The following DNAJB6 variants were observed in gnomAD, a reference collection of about 807,000 sequenced individuals.
The protein encoded by DNAJB6 is DnaJ heat shock protein family (Hsp40) member B6.
DNAJB6 carries 16 observed loss-of-function variants against 42.7 expected under a neutral mutation model. The ratio of observed to expected loss-of-function variants is 0.37; its 90% CI spans 0.25 to 0.57. DNAJB6 has a LOEUF of 0.57. Ranked by LOEUF, DNAJB6 falls within the 20% of genes least tolerant of loss-of-function variation. The pLI is 0.74. For synonymous variants in DNAJB6, 170 were observed against 163.5 expected, an observed-to-expected ratio of 1.04 and a Z score of -0.30; for missense variants, 347 against 416.8, an observed-to-expected ratio of 0.83 and a Z score of 1.46.
intron 2 of DNAJB6, among the ~76,000 whole-genome samples, chr7:157,360,542 G>A (rs1799531263): frequency 6.6e-6 from 1 of 152,214 alleles, no homozygotes; most frequent in African/African-American, 2.4e-5. Flanking sequence ...TTGTTTCTGA[G>A]AACATACAGG....
intron 5 of DNAJB6, among the ~76,000 whole-genome samples, chr7:157,370,055 A>AT (rs1259542007): frequency 7.3e-6 from 1 of 136,174 alleles, no homozygotes; most frequent in Non-Finnish European, 1.6e-5. Flanking sequence ...CAGGTCTTTC[A>AT]TAACGTTATT....
chr7:157,407,081 CG>C (rs1795798315), intron 8 of DNAJB6, among the ~76,000 whole-genome samples: 2 of 152,184 alleles, frequency 1.3e-5, no homozygotes, highest in South Asian at 4.1e-4. Context: ...AGCAGGGGTG[CG>C]GGGAACAGCT....
intron 5 of DNAJB6, among the ~76,000 whole-genome samples, chr7:157,373,684 G>A (rs1478391610): frequency 1.3e-5 from 2 of 152,186 alleles, no homozygotes; most frequent in Non-Finnish European, 2.9e-5. Flanking sequence ...CTAGAAGTTA[G>A]GGGTCAAGTA....
At chr7:157,391,662 T>C (rs947097615) in intron 8 of DNAJB6, among the ~76,000 whole-genome samples, 2 of 152,250 alleles carry the variant, frequency 1.3e-5, no homozygotes, top group Non-Finnish European at 2.9e-5. Flanking sequence ...TCAGCCCAAG[T>C]CTTCCGTGGA....
At chr7:157,400,912 C>T (rs1244396317) in intron 8 of DNAJB6, among the ~76,000 whole-genome samples, 2 of 152,204 alleles carry the variant, frequency 1.3e-5, no homozygotes, top group Non-Finnish European at 2.9e-5. Context: ...CTGTGTGTGG[C>T]TGTGACCCCG....
At chr7:157,393,373 T>C (rs1007953786) in intron 8 of DNAJB6, among the ~76,000 whole-genome samples, 1 of 152,250 alleles carries the variant, frequency 6.6e-6, no homozygotes, top group Non-Finnish European at 1.5e-5. Context: ...CTTATTGATA[T>C]AAGTATTTTT....
At chr7:157,409,701 G>A in intron 8 of DNAJB6, 94 bp from the exon 9 acceptor site, 2 of 1,352,402 alleles carry the variant, frequency 1.5e-6, no homozygotes, top group Admixed American at 2.6e-5. Flanking sequence ...CTGGATTCAG[G>A]GAGATCGTGC....
intron 8 of DNAJB6, among the ~76,000 whole-genome samples, chr7:157,408,803 TG>T (rs2116638777): frequency 6.6e-6 from 1 of 152,358 alleles, no homozygotes; most frequent in Admixed American, 6.5e-5. Context: ...TGCTCCTCAG[TG>T]CTTGCGGGGA....
intron 8 of DNAJB6, among the ~76,000 whole-genome samples, chr7:157,392,159 C>A (rs938704048): frequency 6.6e-6 from 1 of 150,532 alleles, no homozygotes; most frequent in African/African-American, 2.4e-5. Context: ...CTTCTCCTAT[C>A]AACAACGGAT....
At chr7:157,400,447 T>G (rs1801810621) in intron 8 of DNAJB6, among the ~76,000 whole-genome samples, 1 of 148,952 alleles carries the variant, frequency 6.7e-6, no homozygotes, top group South Asian at 2.1e-4. Flanking sequence ...GCTCTTCTCC[T>G]TGGTGTGGCC....
At chr7:157,402,420 C>T (rs1481736182) in intron 8 of DNAJB6, among the ~76,000 whole-genome samples, 3 of 152,262 alleles carry the variant, frequency 2.0e-5, no homozygotes, top group Non-Finnish European at 4.4e-5. Flanking sequence ...CCCCTCCCAC[C>T]TGCCATGCTC....
chr7:157,370,456 T>G (rs1425556030), intron 5 of DNAJB6, among the ~76,000 whole-genome samples: 1 of 152,232 alleles, frequency 6.6e-6, no homozygotes, highest in East Asian at 1.9e-4. Context: ...ACATTATGAT[T>G]ATTATTTTAA....
chr7:157,387,398 C>T (rs1281583829), intron 8 of DNAJB6, among the ~76,000 whole-genome samples: 1 of 152,126 alleles, frequency 6.6e-6, no homozygotes, highest in Admixed American at 6.6e-5. Flanking sequence ...GTTGGAAATC[C>T]CACTCACAAC....
intron 8 of DNAJB6, among the ~76,000 whole-genome samples, chr7:157,400,781 G>A (rs1801824908): frequency 6.6e-6 from 1 of 152,198 alleles, no homozygotes; most frequent in South Asian, 2.1e-4. Context: ...AGACGTGAGT[G>A]GGTCATGGAA....
rs118055054 is a variant in DNAJB6, at chr7:157,349,246, T to C, written c.-26-9301T>C. On this transcript the variant is annotated intron_variant, in intron 1 of 9. Transcript: ENST00000262177. ...TGATGACTTTTATTATTTCCAAAGC[T>C]AGCATAGTGTGTGTTATAAATAGTA... is the stretch of plus-strand genomic sequence containing the variant. 9.2e-3 allele frequency among the ~76,000 whole-genome samples: 1,400 copies of C among 152,270 alleles called. 42 individuals are homozygous for C. The highest frequency in any genetic ancestry group is 0.043 in the East Asian group (221 of 5,168).
At chr7:157,356,351 G>A (rs1253209006) in intron 1 of DNAJB6, among the ~76,000 whole-genome samples, 1 of 152,230 alleles carries the variant, frequency 6.6e-6, no homozygotes, top group Admixed American at 6.5e-5. Flanking sequence ...CCTGCTGCTT[G>A]TTGCCTGCTC....
At chr7:157,400,704 G>A (rs1801821405) in intron 8 of DNAJB6, among the ~76,000 whole-genome samples, 1 of 152,340 alleles carries the variant, frequency 6.6e-6, no homozygotes, top group African/African-American at 2.4e-5. Context: ...GATGAAGCCC[G>A]GGTGGAAGTC....
chr7:157,402,352 C>CGT (rs1305598128), intron 8 of DNAJB6, among the ~76,000 whole-genome samples: 1 of 152,230 alleles, frequency 6.6e-6, no homozygotes, highest in Non-Finnish European at 1.5e-5. Flanking sequence ...CCATGCTGCC[C>CGT]GTGCAGTGGC....
At chr7:157,399,208 G>A (rs1801733134) in intron 8 of DNAJB6, among the ~76,000 whole-genome samples, 1 of 152,190 alleles carries the variant, frequency 6.6e-6, no homozygotes, top group Non-Finnish European at 1.5e-5. Context: ...CTGCTTGACT[G>A]GAAGGTTCTC....
Sources: gnomAD v4.1 joint callset for allele counts (sites outside exome capture counted in the v4.1 genomes callset) on GRCh38, gnomAD v4.1.1 for gene constraint, MANE v1.5 for transcripts, NCBI Gene and HGNC (gene_info 2026-07-23, HGNC 2026-07-21) for gene names.